TRHDE: variants seen among roughly 807,000 people sequenced by gnomAD.
The protein encoded by TRHDE is thyrotropin-releasing hormone-degrading ectoenzyme.
In TRHDE, 72 loss-of-function variants were observed where a neutral mutation model predicts 125.7. That is an observed-to-expected ratio of 0.57 (90% CI 0.47 to 0.70). TRHDE has a LOEUF of 0.70. TRHDE is among the 30% of genes least tolerant of loss of function. TRHDE has a pLI of 0.00. For synonymous variants in TRHDE, 509 were observed against 509.1 expected, an observed-to-expected ratio of 1.00 and a Z score of 0.00; for missense variants, 1,110 against 1,327.1, an observed-to-expected ratio of 0.84 and a Z score of 2.54.
intron 2 of TRHDE, among the ~76,000 whole-genome samples, chr12:72,362,654 A>G (rs1871154274): frequency 1.3e-5 from 2 of 151,238 alleles, no homozygotes. Context: ...TATGTCCTGA[A>G]TGGTAATGCC....
intron 2 of TRHDE, among the ~76,000 whole-genome samples, chr12:72,245,817 T>C (rs1878565499): frequency 6.6e-6 from 1 of 152,140 alleles, no homozygotes; most frequent in Non-Finnish European, 1.5e-5. Flanking sequence ...ATCATATTCC[T>C]CTACCCAGGA....
At chr12:72,552,737 A>T (rs1869736391) in intron 7 of TRHDE, among the ~76,000 whole-genome samples, 1 of 152,204 alleles carries the variant, frequency 6.6e-6, no homozygotes, top group East Asian at 1.9e-4. Flanking sequence ...TGGAAATGGA[A>T]ACAGAGTATG....
At chr12:72,165,832 G>A (rs1235817850) in intron 2 of TRHDE, among the ~76,000 whole-genome samples, 2 of 151,876 alleles carry the variant, frequency 1.3e-5, no homozygotes, top group Non-Finnish European at 2.9e-5. Flanking sequence ...CCGCCACCAC[G>A]CCTGGCTAAT....
At chr12:72,294,730 C>T (rs1447140206) in intron 2 of TRHDE, among the ~76,000 whole-genome samples, 1 of 152,252 alleles carries the variant, frequency 6.6e-6, no homozygotes, top group Admixed American at 6.5e-5. Flanking sequence ...ATCTTTCTGC[C>T]TCCTGCTGCC....
At chr12:72,468,679 T>C (rs1016960398) in intron 3 of TRHDE, among the ~76,000 whole-genome samples, 1 of 152,232 alleles carries the variant, frequency 6.6e-6, no homozygotes, top group Non-Finnish European at 1.5e-5. Flanking sequence ...ATGTGTGCCC[T>C]ACCTCAATCC....
chr12:72,650,443 G>T (rs900215433), intron 15 of TRHDE, among the ~76,000 whole-genome samples: 3 of 152,096 alleles, frequency 2.0e-5, no homozygotes, highest in African/African-American at 7.2e-5. Context: ...AGGCAACATA[G>T]TTTAGTATAT....
At chr12:72,438,123 G>A (rs1380220472) in intron 3 of TRHDE, among the ~76,000 whole-genome samples, 2 of 151,436 alleles carry the variant, frequency 1.3e-5, no homozygotes, top group African/African-American at 2.4e-5. Context: ...TCTTTTATAC[G>A]GCCGAATAGT....
chr12:72,573,627 GA>G (rs1215750945), intron 10 of TRHDE, among the ~76,000 whole-genome samples: 3 of 151,922 alleles, frequency 2.0e-5, no homozygotes, highest in Non-Finnish European at 4.4e-5. Flanking sequence ...GCTGAGACAA[GA>G]ATTTAGCTTT....
chr12:72,647,538 A>T (rs1342504708), intron 15 of TRHDE, among the ~76,000 whole-genome samples: 5 of 152,046 alleles, frequency 3.3e-5, no homozygotes, highest in Non-Finnish European at 1.5e-5. Flanking sequence ...CTTAAACTAG[A>T]TTAATTAATG....
upstream of TRHDE, chr12:72,271,700 C>T (rs533623256): frequency 2.9e-6 from 1 of 347,378 alleles, no homozygotes; most frequent in African/African-American, 2.1e-5. Context: ...CCCTGGCAAT[C>T]TAAACCCGAA....
chr12:72,300,269 G>GT (rs1440881714), intron 2 of TRHDE, among the ~76,000 whole-genome samples: 6 of 151,378 alleles, frequency 4.0e-5, no homozygotes, highest in African/African-American at 1.5e-4. Context: ...TGTTGTTTTT[G>GT]TTTTTTCACA....
At chr12:72,431,993 G>A (rs375340314) in intron 3 of TRHDE, 106 of 176,580 alleles carry the variant, frequency 6.0e-4, no homozygotes, top group African/African-American at 2.3e-3. Context: ...CTCCCATAGA[G>A]GGTTCACTTT....
chr12:72,624,131 G>A (rs1873162987), intron 15 of TRHDE, among the ~76,000 whole-genome samples: 1 of 151,978 alleles, frequency 6.6e-6, no homozygotes, highest in Non-Finnish European at 1.5e-5. Flanking sequence ...TGCTAGGTGT[G>A]TGTGAAGATC....
chr12:72,206,717 T>C (rs1298741473), intron 2 of TRHDE, among the ~76,000 whole-genome samples: 1 of 152,160 alleles, frequency 6.6e-6, no homozygotes, highest in East Asian at 1.9e-4. Context: ...ATTCTATTAC[T>C]GTTCCAAAAT....
chr12:72,307,132 T>A (rs1455503259), intron 2 of TRHDE, among the ~76,000 whole-genome samples: 1 of 152,028 alleles, frequency 6.6e-6, no homozygotes, highest in African/African-American at 2.4e-5. Flanking sequence ...TTGGAAGGTT[T>A]CAAGCAGAGG....
chr12:72,571,913 G>T (rs768145318), intron 10 of TRHDE, among the ~76,000 whole-genome samples: 1 of 148,280 alleles, frequency 6.7e-6, no homozygotes, highest in Admixed American at 6.8e-5. Context: ...AGTTGATTAC[G>T]TAAAGAGGTG....
At chr12:72,456,835 G>C (rs1297616055) in intron 3 of TRHDE, among the ~76,000 whole-genome samples, 1 of 152,018 alleles carries the variant, frequency 6.6e-6, no homozygotes, top group African/African-American at 2.4e-5. Flanking sequence ...TTCAATATCT[G>C]CCTCATTATT....
At chr12:72,642,531 T>G (rs1414921544) in intron 15 of TRHDE, among the ~76,000 whole-genome samples, 1 of 152,118 alleles carries the variant, frequency 6.6e-6, no homozygotes, top group African/African-American at 2.4e-5. Flanking sequence ...ATGAAGGTAT[T>G]TTATTTTGGC....
At chr12:72,243,029 A>G (rs1269796422) in intron 2 of TRHDE, among the ~76,000 whole-genome samples, 1 of 152,188 alleles carries the variant, frequency 6.6e-6, no homozygotes, top group Non-Finnish European at 1.5e-5. Context: ...TCTTTCTTCT[A>G]CTTCTGAAGG....
Sources: gnomAD v4.1 joint callset for allele counts (sites outside exome capture counted in the v4.1 genomes callset) on GRCh38, gnomAD v4.1.1 for gene constraint, MANE v1.5 for transcripts, NCBI Gene and HGNC (gene_info 2026-07-23, HGNC 2026-07-21) for gene names.